PTPRO: variants seen among roughly 807,000 people sequenced by gnomAD.
The protein encoded by PTPRO is receptor-type tyrosine-protein phosphatase O.
A neutral mutation model predicts 145.2 loss-of-function variants in PTPRO; 62 were observed. The ratio of observed to expected loss-of-function variants is 0.43; its 90% CI spans 0.35 to 0.53. The LOEUF (loss-of-function observed/expected upper bound fraction) is 0.53. Among genes scored for constraint, PTPRO ranks in the 20% least tolerant of loss-of-function variants. The probability of loss-of-function intolerance (pLI) is 0.01; values close to 1 mark genes in which losing one functional copy is unlikely to be tolerated. For missense variants in PTPRO, 1,345 were observed against 1,482.7 expected (o/e 0.91, Z 1.53); for synonymous variants, 565 against 514.7 (o/e 1.10, Z -1.32).
intron 1 of PTPRO, among the ~76,000 whole-genome samples, chr12:15,444,668 T>G (rs1169476804): frequency 6.6e-6 from 1 of 151,798 alleles, no homozygotes; most frequent in Admixed American, 6.6e-5. Flanking sequence ...TGTTCCCTTA[T>G]AAAGGAGGCC....
chr12:15,457,129 C>T (rs993862128), intron 1 of PTPRO, among the ~76,000 whole-genome samples: 9 of 152,188 alleles, frequency 5.9e-5, no homozygotes, highest in African/African-American at 2.2e-4. Flanking sequence ...ACTCCAGGTT[C>T]TTCAGCCTTC....
chr12:15,341,304 G>A (rs1285342399), intron 1 of PTPRO, among the ~76,000 whole-genome samples: 1 of 152,012 alleles, frequency 6.6e-6, no homozygotes, highest in African/African-American at 2.4e-5. Flanking sequence ...AGCTAATGAT[G>A]CTTCTACAAA....
intron 2 of PTPRO, among the ~76,000 whole-genome samples, chr12:15,488,136 A>T (rs1941928206): frequency 6.6e-6 from 1 of 152,146 alleles, no homozygotes; most frequent in East Asian, 1.9e-4. Flanking sequence ...TTCCTTGTTG[A>T]GGTGGAGAAG....
intron 1 of PTPRO, among the ~76,000 whole-genome samples, chr12:15,337,184 C>T (rs1866793029): frequency 6.6e-6 from 1 of 152,162 alleles, no homozygotes; most frequent in African/African-American, 2.4e-5. Flanking sequence ...ATAGTAGAGA[C>T]TTCAGCAAGA....
intron 10 of PTPRO, among the ~76,000 whole-genome samples, chr12:15,523,492 T>C (rs183556267): frequency 2.4e-4 from 37 of 152,320 alleles, no homozygotes; most frequent in Middle Eastern, 6.8e-3. Flanking sequence ...TTACGTTTTT[T>C]GGCTGGGCGT....
chr12:15,542,004 C>T (rs555833802), intron 12 of PTPRO, among the ~76,000 whole-genome samples: 2 of 151,478 alleles, frequency 1.3e-5, no homozygotes, highest in African/African-American at 2.4e-5. Context: ...GAGCAAGACT[C>T]CACCTCAAAA....
chr12:15,421,027 G>T (rs1052326585), intron 1 of PTPRO, among the ~76,000 whole-genome samples: 3 of 152,102 alleles, frequency 2.0e-5, no homozygotes, highest in Non-Finnish European at 4.4e-5. Context: ...TGAACACCCA[G>T]CTTTAGCAAT....
At chr12:15,332,212 G>A (rs74720565) in intron 1 of PTPRO, among the ~76,000 whole-genome samples, 8,797 of 151,950 alleles carry the variant, frequency 0.058, 265 homozygotes, top group Non-Finnish European at 0.071. Flanking sequence ...GGAGAATAAT[G>A]AATATGCTCT....
intron 12 of PTPRO, among the ~76,000 whole-genome samples, chr12:15,536,233 T>C (rs1029313552): frequency 6.6e-6 from 1 of 152,090 alleles, no homozygotes; most frequent in Admixed American, 6.5e-5. Context: ...GTGATAAGTG[T>C]CATGGAGAAA....
intron 10 of PTPRO, among the ~76,000 whole-genome samples, chr12:15,523,041 T>TAG (rs1942759917): frequency 6.6e-6 from 1 of 152,198 alleles, no homozygotes; most frequent in Non-Finnish European, 1.5e-5. Flanking sequence ...AAATATGATG[T>TAG]AGATTTGTGT....
intron 1 of PTPRO, among the ~76,000 whole-genome samples, chr12:15,351,815 C>G (rs1014887986): frequency 6.6e-6 from 1 of 152,162 alleles, no homozygotes; most frequent in African/African-American, 2.4e-5. Context: ...TTCATTCACT[C>G]TAGAGATTTT....
chr12:15,446,736 T>G (rs1940912271), intron 1 of PTPRO, among the ~76,000 whole-genome samples: 1 of 151,178 alleles, frequency 6.6e-6, no homozygotes, highest in African/African-American at 2.4e-5. Context: ...TTAGGGTAAA[T>G]AAATATAAGT....
chr12:15,436,795 G>A (rs1940607192), intron 1 of PTPRO, among the ~76,000 whole-genome samples: 1 of 152,174 alleles, frequency 6.6e-6, no homozygotes, highest in South Asian at 2.1e-4. Flanking sequence ...GAGTGGGGTG[G>A]GGGCCTCCAC....
intron 8 of PTPRO, 83 bp downstream of exon 8, chr12:15,515,701 TATC>T: frequency 6.4e-7 from 1 of 1,562,524 alleles, no homozygotes; most frequent in Non-Finnish European, 8.8e-7. Context: ...CTCAAATCAT[TATC>T]ATCGTATTTG....
chr12:15,587,916 A>T (rs1331381768), intron 24 of PTPRO, among the ~76,000 whole-genome samples: 1 of 152,218 alleles, frequency 6.6e-6, no homozygotes, highest in African/African-American at 2.4e-5. Context: ...AATTAGAATG[A>T]CTAGAATGAG....
intron 15 of PTPRO, among the ~76,000 whole-genome samples, chr12:15,556,784 T>G (rs1943638977): frequency 6.6e-6 from 1 of 152,174 alleles, no homozygotes; most frequent in South Asian, 2.1e-4. Flanking sequence ...TCAGTTCATC[T>G]AGGAGAGTTT....
chr12:15,526,033 C>A, intron 11 of PTPRO, 109 bp from the exon 12 acceptor site: 1 of 1,350,572 alleles, frequency 7.4e-7, no homozygotes, highest in Non-Finnish European at 1.1e-6. Context: ...TTGCAGACTG[C>A]TGCATAGAAC....
At chr12:15,537,285 G>A (rs1013399061) in intron 12 of PTPRO, among the ~76,000 whole-genome samples, 2 of 152,144 alleles carry the variant, frequency 1.3e-5, no homozygotes, top group Admixed American at 6.5e-5. Context: ...GATGTGATGA[G>A]TTAACAAAGA....
intron 1 of PTPRO, chr12:15,348,297 G>T (rs1051169131): frequency 2.6e-5 from 4 of 152,204 alleles, no homozygotes; most frequent in African/African-American, 9.7e-5. Flanking sequence ...GCAGGAGAAA[G>T]GGCATAAGCC....
Sources: allele counts gnomAD v4.1 joint callset (sites outside exome capture counted in the v4.1 genomes callset), GRCh38; gene constraint gnomAD v4.1.1; transcripts MANE v1.5; gene names NCBI Gene and HGNC (gene_info 2026-07-23, HGNC 2026-07-21).